The following HS6ST3 variants were observed in gnomAD, a reference collection of about 807,000 sequenced individuals.
HS6ST3 encodes the protein heparan sulfate 6-O-sulfotransferase 3.
A neutral mutation model predicts 36.7 loss-of-function variants in HS6ST3; 12 were observed. That is an observed-to-expected ratio of 0.33 (90% CI 0.21 to 0.53). The LOEUF (loss-of-function observed/expected upper bound fraction) is 0.53, where lower values mean the gene tolerates loss of function less well. HS6ST3 is among the 20% of genes least tolerant of loss of function. The pLI, the probability that HS6ST3 is intolerant of heterozygous loss-of-function variation, is 0.95. For synonymous variants in HS6ST3, 240 were observed against 257.5 expected, an observed-to-expected ratio of 0.93 and a Z score of 0.65; for missense variants, 584 against 640.9, an observed-to-expected ratio of 0.91 and a Z score of 0.96.
chr13:96,780,459 A>C (rs1035724842), intron 1 of HS6ST3, among the ~76,000 whole-genome samples: 6 of 152,164 alleles, frequency 3.9e-5, no homozygotes. Context: ...TAATTTCCCT[A>C]ACATTTTCCC....
At chr13:96,634,055 T>A (rs2139002454) in intron 1 of HS6ST3, among the ~76,000 whole-genome samples, 1 of 152,250 alleles carries the variant, frequency 6.6e-6, no homozygotes, top group East Asian at 1.9e-4. Context: ...CCTGTGAGGA[T>A]ATGAGGAGGC....
At chr13:96,562,714 C>G (rs2056266817) in intron 1 of HS6ST3, among the ~76,000 whole-genome samples, 2 of 151,870 alleles carry the variant, frequency 1.3e-5, no homozygotes, top group African/African-American at 2.4e-5. Context: ...CAACTGAGTT[C>G]CTGTAAAATA....
intron 1 of HS6ST3, among the ~76,000 whole-genome samples, chr13:96,393,457 A>C (rs2055406242): frequency 6.6e-6 from 1 of 152,184 alleles, no homozygotes. Context: ...TCATTTTATA[A>C]CCTGAATCCT....
intron 1 of HS6ST3, among the ~76,000 whole-genome samples, chr13:96,702,687 C>A (rs914494480): frequency 1.3e-5 from 2 of 152,130 alleles, no homozygotes; most frequent in African/African-American, 4.8e-5. Context: ...AGGGTATACT[C>A]TTTTAATTTC....
chr13:96,342,241 G>C (rs527303849), intron 1 of HS6ST3, among the ~76,000 whole-genome samples: 1 of 152,142 alleles, frequency 6.6e-6, no homozygotes, highest in Non-Finnish European at 1.5e-5. Flanking sequence ...GGACATTTAT[G>C]ATTTGAGACT....
chr13:96,301,890 A>T (rs1377041886), intron 1 of HS6ST3, among the ~76,000 whole-genome samples: 1 of 142,678 alleles, frequency 7.0e-6, no homozygotes, highest in African/African-American at 2.6e-5. Flanking sequence ...ACACAATGAG[A>T]CTCCATCTAT....
chr13:96,501,784 A>G (rs2056005490), intron 1 of HS6ST3, among the ~76,000 whole-genome samples: 1 of 152,270 alleles, frequency 6.6e-6, no homozygotes, highest in Admixed American at 6.5e-5. Context: ...AGTCCTATAA[A>G]ACATCAAATG....
At chr13:96,135,330 G>T (rs1566890507) in intron 1 of HS6ST3, among the ~76,000 whole-genome samples, 1 of 152,100 alleles carries the variant, frequency 6.6e-6, no homozygotes, top group Admixed American at 6.6e-5. Flanking sequence ...ACAAATAAAA[G>T]TAGAACTCTA....
At chr13:96,472,664 A>G (rs932334841) in intron 1 of HS6ST3, among the ~76,000 whole-genome samples, 2 of 152,194 alleles carry the variant, frequency 1.3e-5, no homozygotes, top group Non-Finnish European at 2.9e-5. Flanking sequence ...GGCTATAGCA[A>G]TACCTCAGTT....
At chr13:96,722,081 C>T (rs2138469484) in intron 1 of HS6ST3, among the ~76,000 whole-genome samples, 1 of 152,238 alleles carries the variant, frequency 6.6e-6, no homozygotes, top group Non-Finnish European at 1.5e-5. Context: ...GCCTGGCCAA[C>T]ATGGTGAAAC....
intron 1 of HS6ST3, among the ~76,000 whole-genome samples, chr13:96,507,768 G>A (rs2056032402): frequency 6.6e-6 from 1 of 151,962 alleles, no homozygotes; most frequent in South Asian, 2.1e-4. Context: ...TAGAATCATC[G>A]TTATTATTTG....
chr13:96,305,534 CA>C (rs2054907754), intron 1 of HS6ST3, among the ~76,000 whole-genome samples: 1 of 152,012 alleles, frequency 6.6e-6, no homozygotes, highest in East Asian at 1.9e-4. Flanking sequence ...ATACATATTC[CA>C]TATAGAATTT....
chr13:96,516,009 A>G (rs1438892374), intron 1 of HS6ST3, among the ~76,000 whole-genome samples: 1 of 151,676 alleles, frequency 6.6e-6, no homozygotes, highest in Non-Finnish European at 1.5e-5. Context: ...TTGTTATTCT[A>G]GTACACTCTA....
At chr13:96,195,471 A>T (rs1008664051) in intron 1 of HS6ST3, among the ~76,000 whole-genome samples, 1 of 152,192 alleles carries the variant, frequency 6.6e-6, no homozygotes, top group Admixed American at 6.5e-5. Flanking sequence ...CCTTCTTCAC[A>T]GCCCTACATA....
intron 1 of HS6ST3, among the ~76,000 whole-genome samples, chr13:96,523,334 T>TA (rs1477466837): frequency 6.6e-6 from 1 of 152,200 alleles, no homozygotes; most frequent in African/African-American, 2.4e-5. Context: ...ATCTGACAAT[T>TA]ACGTGTCTTG....
chr13:96,277,801 A>C (rs1191032179), intron 1 of HS6ST3, among the ~76,000 whole-genome samples: 6 of 152,202 alleles, frequency 3.9e-5, no homozygotes, highest in African/African-American at 1.4e-4. Flanking sequence ...TAATGAACAA[A>C]TTATTTTCTA....
intron 1 of HS6ST3, among the ~76,000 whole-genome samples, chr13:96,624,478 A>T (rs190410296): frequency 6.6e-6 from 1 of 152,124 alleles, no homozygotes; most frequent in South Asian, 2.1e-4. Flanking sequence ...CAGAGGGTAC[A>T]TTTGCAGGTT....
At chr13:96,300,047 CTTTTT>C in intron 1 of HS6ST3, among the ~76,000 whole-genome samples, 1 of 74,576 alleles carries the variant, frequency 1.3e-5, no homozygotes, top group African/African-American at 5.4e-5. Context: ...AAGTGCTACA[CTTTTT>C]TTTTTTTTTT....
intron 1 of HS6ST3, among the ~76,000 whole-genome samples, chr13:96,407,940 GTTA>G (rs368238544): frequency 6.6e-6 from 1 of 151,968 alleles, no homozygotes; most frequent in Non-Finnish European, 1.5e-5. Context: ...GATTTTTAGC[GTTA>G]TTATTATTAT....
Sources: gnomAD v4.1 joint callset for allele counts (sites outside exome capture counted in the v4.1 genomes callset) on GRCh38, gnomAD v4.1.1 for gene constraint, MANE v1.5 for transcripts, NCBI Gene and HGNC (gene_info 2026-07-23, HGNC 2026-07-21) for gene names.